The following BAG5 variants were observed in gnomAD, a reference collection of about 807,000 sequenced individuals.
BAG5 encodes BAG cochaperone 5, also known as BAG family molecular chaperone regulator 5.
Under a neutral mutation model 31.8 loss-of-function variants are expected in BAG5, and 25 were observed. The ratio of observed to expected loss-of-function variants is 0.79; its 90% CI spans 0.57 to 1.10. The LOEUF (loss-of-function observed/expected upper bound fraction) is 1.10, where lower values mean the gene tolerates loss of function less well. Ranked by LOEUF, BAG5 falls within the 50% of genes least tolerant of loss-of-function variation. The probability of loss-of-function intolerance (pLI) is 0.00; values close to 1 mark genes in which losing one functional copy is unlikely to be tolerated. For synonymous variants in BAG5, 208 were observed against 205.0 expected (o/e 1.01, Z -0.13); for missense variants, 491 against 527.9 (o/e 0.93, Z 0.68).
At position 103,557,473 on chromosome 14, in the gene BAG5, T is replaced by G. The variant is rs2076045318; in HGVS notation, c.*2348A>C. On this transcript the variant is annotated 3_prime_UTR_variant, in exon 2 of 2. Coordinates refer to ENST00000299204, the MANE Select transcript of BAG5 (RefSeq NM_001015048.3). ...ATGACGGTGGAAGAGCTGAGCACCC[T>G]GTACTCACACACGATGCCCACAGCT... is the stretch of plus-strand genomic sequence containing the variant. The G allele has an allele frequency of 6.6e-6, 1 of 152,154 alleles. No homozygotes were observed. 9.4% of individuals were successfully genotyped at this position (152,154 alleles called of 1,614,324 possible).
chr14:103,561,633 G>C, intron 1 of BAG5: 1 of 444,004 alleles, frequency 2.3e-6, no homozygotes. Context: ...AAAAACCAGT[G>C]GCTCTCAGAC....
At chr14:103,561,660 C>A (rs1046843528) in intron 1 of BAG5, 1 of 484,956 alleles carries the variant, frequency 2.1e-6, no homozygotes. Context: ...AAGGTCCCCG[C>A]TTCTTCGTTT....
rs200468452 is a variant in BAG5 at position 103,561,909 on chromosome 14, T to C, written c.-29+707A>G. The C allele has an allele frequency of 2.0e-5, 32 of 1,596,726 alleles. No homozygotes were observed. In the Middle Eastern group the frequency reaches 8.3e-4, roughly 41 times the overall value. On this transcript the variant is annotated intron_variant, in intron 1 of 1. Transcript: ENST00000299204. ...TGGTAACTATGAATAATTCATTCAC[T>C]CGCCTCCCACTGGGAGTCCACAATG...
chr14:103,556,764 C>T lies in BAG5; in HGVS notation c.*3057G>A, dbSNP rs979618458. Reference sequence around the variant, plus strand: ...TATTTCTCTTATTAAGAGAAAAATACCCAACAAATTAAAAGGTGAAAAGCT... The same window carrying T: ...TATTTCTCTTATTAAGAGAAAAATATCCAACAAATTAAAAGGTGAAAAGCT... On this transcript the variant is annotated 3_prime_UTR_variant, in exon 2 of 2. Transcript: ENST00000299204. The T allele has an allele frequency of 6.6e-6, 1 of 151,322 alleles. No individual in the cohort carries two copies. The highest frequency in any genetic ancestry group is 1.5e-5 in the Non-Finnish European group (1 of 67,840). The allele number at this position is 151,322 out of a possible 1,614,324, so 9.4% of individuals were successfully genotyped here. A position where few individuals can be genotyped will look rare whatever the true frequency, so the allele number is the denominator to read the frequency against.
Position 103,559,730 on chromosome 14 carries a change from A to G in BAG5, c.*91T>C. 3.5e-6 allele frequency: 5 copies of G among 1,433,652 alleles called. 1 individual carries two copies. In the South Asian group the frequency reaches 5.4e-5, roughly 16 times the overall value. The allele number at this position is 1,433,652 out of a possible 1,614,324, so 88.8% of individuals were successfully genotyped here. Reference sequence around the variant, plus strand: ...CAATCATAAATACTGAGACTGAAATATGCACGTATAAATCAATGAACTGAA... The same window carrying G: ...CAATCATAAATACTGAGACTGAAATGTGCACGTATAAATCAATGAACTGAA... On this transcript the variant is annotated 3_prime_UTR_variant, in exon 2 of 2. Transcript: ENST00000299204.
rs1426535844 is a variant in BAG5, at chr14:103,559,867, T to C, written c.1298A>G (p.Asn433Ser). The C allele has an allele frequency of 6.2e-7, 1 of 1,614,106 alleles. No individual in the cohort carries two copies. The highest frequency in any genetic ancestry group is 1.1e-5 in the South Asian group (1 of 91,084). Residue 433 changes from asparagine (N) to serine (S), a missense_variant, in exon 2 of 2, where the codon AAT (asparagine) becomes AGT (serine). Coordinates refer to ENST00000299204, the MANE Select transcript of BAG5 (RefSeq NM_001015048.3). ...ARKQAVRLAQNILSYLDLKSD... is the reference protein window; with the variant it reads ...ARKQAVRLAQSILSYLDLKSD... ...TTTCAGGTCGAGATAGCTGAGAATA[T>C]TCTGCGCAAGCCTCACAGCTTGTTT...
At chr14:103,561,885 G>C in intron 1 of BAG5, 1 of 1,527,362 alleles carries the variant, frequency 6.5e-7, no homozygotes, top group Non-Finnish European at 9.0e-7. Context: ...GCGAAAACGT[G>C]GTAACTATGA....
chr14:103,561,867 A>C (rs764703608), intron 1 of BAG5: 3 of 1,479,346 alleles, frequency 2.0e-6, no homozygotes, highest in South Asian at 2.3e-5. Flanking sequence ...CTCAAAAAAA[A>C]ACAACCCGCG....
rs1453836061 is a variant in BAG5, at chr14:103,560,637, G to A, written c.528C>T (p.Ser176=). 7 of 1,614,052 alleles carry A rather than the reference G, an allele frequency of 4.3e-6. No individual in the cohort carries two copies. The highest frequency in any genetic ancestry group is 2.2e-5 in the East Asian group (1 of 44,898). Residue 176 remains serine (S), a synonymous_variant, in exon 2 of 2, where the codon TCC becomes TCT. Coordinates refer to ENST00000299204, the MANE Select transcript of BAG5 (RefSeq NM_001015048.3). ...CMKKQPSLPL[S]EDAHPSVAKI... is the part of the protein sequence containing the mutation. The stretch of plus-strand genomic sequence containing the variant: ...TGGCAACGGAAGGATGTGCATCCTC[G>A]GAAAGCGGCAGGGAAGGCTGCTTTT...
Position 103,560,717 on chromosome 14 carries a change from A to T in BAG5, c.448T>A (p.Tyr150Asn). The T allele has an allele frequency of 6.2e-7, 1 of 1,613,974 alleles. No individual in the cohort carries two copies. Among genetic ancestry groups the T allele is most frequent in the Non-Finnish European group, 8.5e-7 (1 of 1,180,012 alleles). ...GGKISLRKAR[Y>N]HTLTKICAVQ... Reference sequence around the variant, plus strand: ...GCACAGATTTTGGTTAAAGTGTGATACCTTGCTTTCCGCAAGGAGATTTTT... The same window carrying T: ...GCACAGATTTTGGTTAAAGTGTGATTCCTTGCTTTCCGCAAGGAGATTTTT... The change falls in exon 2 of 2, where the codon TAT (tyrosine) becomes AAT (asparagine). Residue 150 changes from tyrosine to asparagine, a missense_variant. Physicochemically the swap from Tyr to Asn is moderately radical, Grantham distance 143. Coordinates refer to ENST00000299204, the MANE Select transcript of BAG5 (RefSeq NM_001015048.3).
rs758744586 is a variant in BAG5, at chr14:103,559,991, C to G, written c.1174G>C (p.Asp392His). ...TCTTCCAGCCGGATGTAGTTCTTAT[C>G]GGTTCGATTTCCATCAAATGAAAGA... ...EVLSFDGNRT[D>H]KNYIRLEELL... The change falls in exon 2 of 2, where the codon GAT (aspartate) becomes CAT (histidine). Residue 392 changes from aspartate (D) to histidine (H), a missense_variant. Physicochemically the swap from Asp to His is moderately conservative, Grantham distance 81 (BLOSUM62 -1). Coordinates refer to ENST00000299204, the MANE Select transcript of BAG5 (RefSeq NM_001015048.3). The G allele has an allele frequency of 1.9e-6, 3 of 1,614,204 alleles. No homozygotes were observed. The highest frequency in any genetic ancestry group is 2.5e-6 in the Non-Finnish European group (3 of 1,180,030).
rs2076042411 is a variant in BAG5, at chr14:103,556,935, G to C, written c.*2886C>G. 1 of 152,202 alleles carries C rather than the reference G, an allele frequency of 6.6e-6. No individual in the cohort carries two copies. Among genetic ancestry groups the C allele is most frequent in the African/African-American group, 2.4e-5 (1 of 41,456 alleles). The allele number at this position is 152,202 out of a possible 1,614,324, so 9.4% of individuals were successfully genotyped here. ...AAACTAAATTATATCAAATATATGT[G>C]CATTTTAGCAAAATAAACCACTAAA... is the stretch of plus-strand genomic sequence containing the variant. On this transcript the variant is annotated 3_prime_UTR_variant, in exon 2 of 2. Coordinates refer to ENST00000299204, the MANE Select transcript of BAG5 (RefSeq NM_001015048.3).
chr14:103,562,023 G>T (rs375619271), intron 1 of BAG5: 60 of 1,591,206 alleles, frequency 3.8e-5, no homozygotes, highest in Non-Finnish European at 5.0e-5. Context: ...ATCCCCGGCG[G>T]ATGTCCTGGA....
chr14:103,560,768 T>A lies in BAG5; in HGVS notation c.397A>T (p.Arg133Trp), dbSNP rs142309294. The change falls in exon 2 of 2, where the codon AGG (arginine) becomes TGG (tryptophan). Residue 133 changes from arginine (R) to tryptophan (W), a missense_variant. Physicochemically the swap from Arg to Trp is moderately radical, Grantham distance 101. Transcript: ENST00000299204. ...CCTCCAGTTTTAACATGTGTCAGCC[T>A]CAGAATGATATCTTGGATGCCTTCT... ...FEEGIQDIILRLTHVKTGGKI... is the reference protein window; with the variant it reads ...FEEGIQDIILWLTHVKTGGKI... The A allele has an allele frequency of 1.2e-6, 2 of 1,613,988 alleles. No individual in the cohort carries two copies. The highest frequency in any genetic ancestry group is 2.2e-5 in the East Asian group (1 of 44,902).
Position 103,559,617 on chromosome 14 carries a change from G to A in BAG5, c.*204C>T. 1.6e-6 allele frequency: 1 copy of A among 639,450 alleles called. No homozygotes were observed. The allele number at this position is 639,450 out of a possible 1,614,324, so 39.6% of individuals were successfully genotyped here. A position where few individuals can be genotyped will look rare whatever the true frequency, so the allele number is the denominator to read the frequency against. ...CAAACAAACCACACCACATCATACA[G>A]ATAATGATCCGAATGGAAAAGTTAA... is the stretch of plus-strand genomic sequence containing the variant. On this transcript the variant is annotated 3_prime_UTR_variant, in exon 2 of 2. Coordinates refer to ENST00000299204, the MANE Select transcript of BAG5 (RefSeq NM_001015048.3).
chr14:103,557,704 T>C lies in BAG5; in HGVS notation c.*2117A>G, dbSNP rs2076046454. On this transcript the variant is annotated 3_prime_UTR_variant, in exon 2 of 2. Transcript: ENST00000299204. ...TTAAACAGAGCTCTAATTTAAAAAC[T>C]CTTCCTGGGCTGGGCGCCGTGGCTC... 6.6e-6 allele frequency: 1 copy of C among 152,158 alleles called. No homozygotes were observed. The highest frequency in any genetic ancestry group is 2.4e-5 in the African/African-American group (1 of 41,430). 9.4% of individuals were successfully genotyped at this position (152,158 alleles called of 1,614,324 possible).
chr14:103,559,181 A>C lies in BAG5; in HGVS notation c.*640T>G, dbSNP rs2076054556. ...AAAGGTTTTTTGGCTATTAGTTTTC[A>C]TAATTTTCTTATGTTGCACACAAAA... is the stretch of plus-strand genomic sequence containing the variant. On this transcript the variant is annotated 3_prime_UTR_variant, in exon 2 of 2. Coordinates refer to ENST00000299204, the MANE Select transcript of BAG5 (RefSeq NM_001015048.3). 6.6e-6 allele frequency: 1 copy of C among 152,214 alleles called. No homozygotes were observed. Among genetic ancestry groups the C allele is most frequent in the Non-Finnish European group, 1.5e-5 (1 of 68,038 alleles). 9.4% of individuals were successfully genotyped at this position (152,214 alleles called of 1,614,324 possible).
In BAG5 at chr14:103,562,378, G is replaced by A. The variant is rs540260177; in HGVS notation, c.-29+238C>T. ...CTCGGCCCGGCCGGGGGAAGCCGGG[G>A]GAGGAGGGGAACCGAGGCCCGGCCG... On this transcript the variant is annotated intron_variant, in intron 1 of 1. Coordinates refer to ENST00000299204, the MANE Select transcript of BAG5 (RefSeq NM_001015048.3). 2.5e-5 allele frequency: 7 copies of A among 275,396 alleles called. No individual in the cohort carries two copies. The South Asian group carries it at 2.6e-4, about 10-fold the overall frequency. The allele number at this position is 275,396 out of a possible 1,614,324, so 17.1% of individuals were successfully genotyped here.
Position 103,557,522 on chromosome 14 carries a change from G to A in BAG5, c.*2299C>T, listed in dbSNP as rs2076045550. On this transcript the variant is annotated 3_prime_UTR_variant, in exon 2 of 2. Transcript: ENST00000299204. Reference sequence around the variant, plus strand: ...CTTGGCAAAAGGTACACAAACACTTGTTTGAAAAGAATGACTGAAACGTCT... The same window carrying A: ...CTTGGCAAAAGGTACACAAACACTTATTTGAAAAGAATGACTGAAACGTCT... The A allele has an allele frequency of 6.6e-6, 1 of 152,150 alleles. No homozygotes were observed. The highest frequency in any genetic ancestry group is 1.5e-5 in the Non-Finnish European group (1 of 68,036). 9.4% of individuals were successfully genotyped at this position (152,150 alleles called of 1,614,324 possible). A position where few individuals can be genotyped will look rare whatever the true frequency, so the allele number is the denominator to read the frequency against.
Sources: allele counts gnomAD v4.1 joint callset, GRCh38; gene constraint gnomAD v4.1.1; transcripts MANE v1.5; gene names NCBI Gene and HGNC (gene_info 2026-07-23, HGNC 2026-07-21).